TMEM260: variants seen among roughly 807,000 people sequenced by gnomAD.
TMEM260 encodes the protein protein O-mannosyl-transferase TMEM260.
In TMEM260, 82 loss-of-function variants were observed where a neutral mutation model predicts 88.9. The ratio of observed to expected loss-of-function variants is 0.92; its 90% CI spans 0.77 to 1.11. TMEM260 has a LOEUF of 1.11. Among genes scored for constraint, TMEM260 ranks in the 50% least tolerant of loss-of-function variants. TMEM260 has a pLI of 0.00. For synonymous variants in TMEM260, 314 were observed against 309.3 expected, an observed-to-expected ratio of 1.02 and a Z score of -0.16; for missense variants, 902 against 853.4, an observed-to-expected ratio of 1.06 and a Z score of -0.71.
intron 3 of TMEM260, among the ~76,000 whole-genome samples, chr14:56,602,448 G>C (rs1886634671): frequency 6.6e-6 from 1 of 152,120 alleles, no homozygotes; most frequent in South Asian, 2.1e-4. Context: ...TAGGCTGACT[G>C]ATTTAGAACT....
chr14:56,634,675 C>T (rs2139630958), intron 13 of TMEM260, among the ~76,000 whole-genome samples: 1 of 152,154 alleles, frequency 6.6e-6, no homozygotes, highest in Admixed American at 6.5e-5. Flanking sequence ...AACTCCATTT[C>T]CACGAAAAAT....
chr14:56,585,232 T>G (rs1307397750), intron 2 of TMEM260, among the ~76,000 whole-genome samples, 200 bp downstream of exon 2: 1 of 152,150 alleles, frequency 6.6e-6, no homozygotes, highest in Non-Finnish European at 1.5e-5. Context: ...CTTTACTATA[T>G]ATACAGTAGC....
chr14:56,636,679 A>G, intron 15 of TMEM260, 81 bp downstream of exon 15: 1 of 1,194,996 alleles, frequency 8.4e-7, no homozygotes, highest in Non-Finnish European at 1.2e-6. Context: ...TAGAGGGTAT[A>G]TCACATTAGA....
At chr14:56,627,541 A>G (rs1449546362) in intron 12 of TMEM260, among the ~76,000 whole-genome samples, 1 of 152,178 alleles carries the variant, frequency 6.6e-6, no homozygotes, top group East Asian at 1.9e-4. Context: ...CTGCTTTTGT[A>G]TATGTAGGGT....
intron 8 of TMEM260, among the ~76,000 whole-genome samples, chr14:56,616,895 A>G (rs895608400): frequency 4.6e-5 from 7 of 152,074 alleles, no homozygotes; most frequent in Admixed American, 2.0e-4. Context: ...AAATGTTTCT[A>G]TTTTGCCTGT....
At chr14:56,636,938 C>G (rs1448691728) in intron 15 of TMEM260, among the ~76,000 whole-genome samples, 1 of 151,958 alleles carries the variant, frequency 6.6e-6, no homozygotes, top group Non-Finnish European at 1.5e-5. Flanking sequence ...CCAGGTGGGC[C>G]CAACATAATC....
rs1594871269 is a variant in TMEM260, at chr14:56,628,801, C to G, written c.1547+3271C>G. On this transcript the variant is annotated intron_variant, in intron 12 of 15. Coordinates refer to ENST00000261556, the MANE Select transcript of TMEM260 (RefSeq NM_017799.4). Reference sequence around the variant, plus strand: ...TATCTCAGATCTCTATTTTTAATTGCTATGTCTCCACCATTTGCATTTAAT... The same window carrying G: ...TATCTCAGATCTCTATTTTTAATTGGTATGTCTCCACCATTTGCATTTAAT... Among the ~76,000 whole-genome samples, 7 of 151,954 alleles carry G rather than the reference C, an allele frequency of 4.6e-5. No homozygotes were observed. The South Asian group carries it at 1.5e-3, about 32-fold the overall frequency.
At chr14:56,652,179 G>C (rs1435186206), downstream of TMEM260, among the ~76,000 whole-genome samples, 1 of 152,232 alleles carries the variant, frequency 6.6e-6, no homozygotes, top group South Asian at 2.1e-4. Context: ...CATTACCCTG[G>C]ATCCTTGAGT....
chr14:56,647,601 A>T lies in TMEM260; in HGVS notation c.*104A>T. ...AAACTGCATAAAAAATTTAAAACTA[A>T]GTCATCTCCCAGATATAAGTATCAT... On this transcript the variant is annotated 3_prime_UTR_variant, in exon 16 of 16. Coordinates refer to ENST00000261556, the MANE Select transcript of TMEM260 (RefSeq NM_017799.4). The T allele has an allele frequency of 1.6e-6, 2 of 1,269,146 alleles. No homozygotes were observed. Among genetic ancestry groups the T allele is most frequent in the Non-Finnish European group, 2.1e-6 (2 of 941,374 alleles). The allele number at this position is 1,269,146 out of a possible 1,614,324, so 78.6% of individuals were successfully genotyped here. A position where few individuals can be genotyped will look rare whatever the true frequency, so the allele number is the denominator to read the frequency against.
At chr14:56,651,110 C>CCAAG (rs1229268829), downstream of TMEM260, among the ~76,000 whole-genome samples, 1 of 152,058 alleles carries the variant, frequency 6.6e-6, no homozygotes, top group African/African-American at 2.4e-5. Context: ...CATCTAAAGG[C>CCAAG]CAAGATCTTG....
chr14:56,580,501 A>G (rs1027819758), intron 1 of TMEM260, among the ~76,000 whole-genome samples: 1 of 152,230 alleles, frequency 6.6e-6, no homozygotes, highest in African/African-American at 2.4e-5. Flanking sequence ...TAATGAATAA[A>G]CAGCATATTC....
the TMEM260 span, among the ~76,000 whole-genome samples, chr14:56,656,419 C>CAAAA: frequency 4.7e-4 from 72 of 151,780 alleles, 1 homozygote; most frequent in East Asian, 9.9e-3. Context: ...GACCTTATCT[C>CAAAA]AAATAAATAA....
At chr14:56,642,854 A>C (rs558134635) in intron 15 of TMEM260, among the ~76,000 whole-genome samples, 4 of 152,222 alleles carry the variant, frequency 2.6e-5, no homozygotes, top group Non-Finnish European at 5.9e-5. Flanking sequence ...CAGAAATACA[A>C]ACTACCATCA....
the TMEM260 span, among the ~76,000 whole-genome samples, chr14:56,657,208 A>G: frequency 4.6e-5 from 7 of 152,196 alleles, no homozygotes; most frequent in Non-Finnish European, 8.8e-5. Flanking sequence ...TGGACCTTCA[A>G]AACCATCCTG....
chr14:56,636,445 AGCTAGCCCT>A, intron 14 of TMEM260, 54 bp from the exon 15 acceptor site: 2 of 1,307,560 alleles, frequency 1.5e-6, no homozygotes, highest in Non-Finnish European at 2.2e-6. Flanking sequence ...TGGAAGATTT[AGCTAGCCCT>A]GAATGTGCAA....
chr14:56,651,804 A>G (rs1011272891), downstream of TMEM260, among the ~76,000 whole-genome samples: 2 of 152,236 alleles, frequency 1.3e-5, no homozygotes, highest in African/African-American at 2.4e-5. Context: ...TATAAGAAGT[A>G]TAGGGTGAAG....
At chr14:56,611,574 T>G (rs898422187) in intron 6 of TMEM260, among the ~76,000 whole-genome samples, 2 of 152,152 alleles carry the variant, frequency 1.3e-5, no homozygotes, top group Non-Finnish European at 2.9e-5. Context: ...AAGAGAATGC[T>G]TATACACTGC....
intron 4 of TMEM260, 152 bp from the exon 5 acceptor site, chr14:56,605,418 A>G (rs975902657): frequency 2.4e-6 from 1 of 421,590 alleles, no homozygotes; most frequent in Non-Finnish European, 4.2e-6. Context: ...ACAAATATGA[A>G]TGATTATTAA....
At chr14:56,593,196 G>A (rs1885972464) in intron 3 of TMEM260, 1 of 152,196 alleles carries the variant, frequency 6.6e-6, no homozygotes, top group South Asian at 2.1e-4. Flanking sequence ...CATGAATTTT[G>A]TGGACCAAGA....
Sources: allele counts gnomAD v4.1 joint callset (sites outside exome capture counted in the v4.1 genomes callset), GRCh38; gene constraint gnomAD v4.1.1; transcripts MANE v1.5; gene names NCBI Gene and HGNC (gene_info 2026-07-23, HGNC 2026-07-21).